The following SLC25A53 variants were observed in gnomAD, a reference collection of about 807,000 sequenced individuals.
The protein encoded by SLC25A53 is mitochondrial carrier triple repeat protein 6.
In SLC25A53, 5 loss-of-function variants were observed where a neutral mutation model predicts 15.0. The observed-to-expected ratio is 0.33, with a 90% CI of 0.17 to 0.70. The LOEUF is 0.70. SLC25A53 is among the 30% of genes least tolerant of loss of function. SLC25A53 has a pLI of 0.67. For missense variants in SLC25A53, 216 were observed against 241.6 expected, an observed-to-expected ratio of 0.89 and a Z score of 0.70; for synonymous variants, 95 against 100.0, an observed-to-expected ratio of 0.95 and a Z score of 0.30.
Position 104,104,333 on chromosome X carries a change from G to C in SLC25A53, c.*1C>G. The C allele has an allele frequency of 8.3e-7, 1 of 1,205,614 alleles. No individual in the cohort carries two copies. Among genetic ancestry groups the C allele is most frequent in the Non-Finnish European group, 1.1e-6 (1 of 891,151 alleles). On this transcript the variant is annotated 3_prime_UTR_variant, in exon 2 of 2. Coordinates refer to ENST00000594199, the MANE Select transcript of SLC25A53 (RefSeq NM_001012755.5). ...AAGCTGCCATGCCACACTTTCTGCA[G>C]CTAGTCAGTCTTCAGCTCTTTCCTG... is the stretch of plus-strand genomic sequence containing the variant.
chrX:104,144,347 G>A (rs1285997946), intron 1 of SLC25A53, among the ~76,000 whole-genome samples: 1 of 111,875 alleles, frequency 8.9e-6, no homozygotes, highest in Non-Finnish European at 1.9e-5. Flanking sequence ...CTGTATTCAC[G>A]AGACCCATCT....
At chrX:104,117,514 C>T (rs1371421434) in intron 1 of SLC25A53, among the ~76,000 whole-genome samples, 3 of 110,835 alleles carry the variant, frequency 2.7e-5, no homozygotes, top group Non-Finnish European at 3.8e-5. Flanking sequence ...GAGTAAAGGT[C>T]CAAGAGACCC....
In SLC25A53 at chrX:104,100,287, T is replaced by C. The variant is rs1158916826; in HGVS notation, c.*4047A>G. On this transcript the variant is annotated 3_prime_UTR_variant, in exon 2 of 2. Coordinates refer to ENST00000594199, the MANE Select transcript of SLC25A53 (RefSeq NM_001012755.5). ...AAAAATATATATCACGCATATATTG[T>C]GTTGTATGATGGCTTTTTATTCTTT... The C allele has an allele frequency of 8.9e-6, 1 of 111,791 alleles. No individual in the cohort carries two copies. The highest frequency in any genetic ancestry group is 1.9e-5 in the Non-Finnish European group (1 of 53,173). 9.2% of individuals were successfully genotyped at this position (111,791 alleles called of 1,213,427 possible). A position where few individuals can be genotyped will look rare whatever the true frequency, so the allele number is the denominator to read the frequency against.
intron 1 of SLC25A53, among the ~76,000 whole-genome samples, chrX:104,110,194 A>G (rs1183200044): frequency 1.9e-4 from 21 of 111,975 alleles, no homozygotes; most frequent in African/African-American, 6.8e-4. Context: ...GATAAAGCCA[A>G]TTTAAACACT....
intron 1 of SLC25A53, among the ~76,000 whole-genome samples, chrX:104,141,741 C>G (rs2075451244): frequency 9.0e-6 from 1 of 110,929 alleles, no homozygotes; most frequent in African/African-American, 3.3e-5. Flanking sequence ...GCATGCACCA[C>G]CACGCCTGGC....
At chrX:104,114,678 C>G in intron 1 of SLC25A53, 1 of 1,212,019 alleles carries the variant, frequency 8.3e-7, no homozygotes, top group Non-Finnish European at 1.1e-6. Flanking sequence ...GGGACCTGCG[C>G]TTCAGGCTTA....
chrX:104,129,424 A>G (rs2075419369), intron 1 of SLC25A53, among the ~76,000 whole-genome samples: 1 of 111,405 alleles, frequency 9.0e-6, no homozygotes, highest in Non-Finnish European at 1.9e-5. Flanking sequence ...GCTCTTAGAA[A>G]CACTAGGCAG....
intron 1 of SLC25A53, among the ~76,000 whole-genome samples, chrX:104,144,890 A>G (rs1388712277): frequency 9.0e-6 from 1 of 111,203 alleles, no homozygotes; most frequent in Non-Finnish European, 1.9e-5. Flanking sequence ...CCCCCTGTCA[A>G]TATTAGATCA....
intron 1 of SLC25A53, among the ~76,000 whole-genome samples, chrX:104,145,997 A>T (rs1333599376): frequency 1.8e-5 from 2 of 112,031 alleles, no homozygotes; most frequent in African/African-American, 6.5e-5. Context: ...CCTGGCAGAG[A>T]CACAACAAAA....
chrX:104,129,515 A>G (rs2075419685), intron 1 of SLC25A53, among the ~76,000 whole-genome samples: 1 of 110,796 alleles, frequency 9.0e-6, no homozygotes, highest in East Asian at 2.8e-4. Context: ...TAGATCGACT[A>G]CGAAAAGAAC....
chrX:104,112,178 A>G (rs1423202137), intron 1 of SLC25A53: 1 of 112,496 alleles, frequency 8.9e-6, no homozygotes, highest in Admixed American at 9.3e-5. Context: ...TTCCCCCTAT[A>G]CAAAGGTGAG....
intron 1 of SLC25A53, chrX:104,114,631 C>T: frequency 1.1e-5 from 13 of 1,211,933 alleles, no homozygotes; most frequent in Non-Finnish European, 1.3e-5. Flanking sequence ...AAACCAGACT[C>T]GCTTGCAACA....
chrX:104,132,891 C>T (rs2075428932), intron 1 of SLC25A53, among the ~76,000 whole-genome samples: 1 of 111,446 alleles, frequency 9.0e-6, no homozygotes, highest in African/African-American at 3.3e-5. Context: ...ATAGGCAGAG[C>T]CCTGAATTCT....
chrX:104,120,389 C>T (rs181497528), intron 1 of SLC25A53, among the ~76,000 whole-genome samples: 2 of 111,987 alleles, frequency 1.8e-5, no homozygotes, highest in African/African-American at 3.2e-5. Flanking sequence ...GTCAACAAAG[C>T]TTCATAACTT....
At chrX:104,137,432 C>T (rs143176554) in intron 1 of SLC25A53, among the ~76,000 whole-genome samples, 2 of 110,658 alleles carry the variant, frequency 1.8e-5, no homozygotes, top group Non-Finnish European at 3.8e-5. Flanking sequence ...CCTGCACCCC[C>T]CAAGCCCCAA....
chrX:104,105,839 C>G (rs1292708161), intron 1 of SLC25A53, among the ~76,000 whole-genome samples: 1 of 111,768 alleles, frequency 8.9e-6, no homozygotes, highest in Non-Finnish European at 1.9e-5. Context: ...GCCCAGCCCC[C>G]CTCCAGCAAG....
At chrX:104,119,708 G>A (rs1294251312) in intron 1 of SLC25A53, among the ~76,000 whole-genome samples, 3 of 110,628 alleles carry the variant, frequency 2.7e-5, no homozygotes, top group African/African-American at 9.9e-5. Flanking sequence ...GGGAGCAGAG[G>A]AAAGTGCATA....
intron 1 of SLC25A53, among the ~76,000 whole-genome samples, chrX:104,136,949 A>G (rs1383317897): frequency 8.9e-6 from 1 of 112,106 alleles, no homozygotes; most frequent in East Asian, 2.8e-4. Context: ...GAATTAAAAT[A>G]GCCATATTTC....
chrX:104,110,480 C>T (rs782636595), intron 1 of SLC25A53, among the ~76,000 whole-genome samples: 22 of 111,789 alleles, frequency 2.0e-4, no homozygotes, highest in African/African-American at 6.5e-4. Flanking sequence ...AATAAGAGGG[C>T]GGAAAGGAGC....
Sources: allele counts gnomAD v4.1 joint callset (sites outside exome capture counted in the v4.1 genomes callset), GRCh38; gene constraint gnomAD v4.1.1; transcripts MANE v1.5; gene names NCBI Gene and HGNC (gene_info 2026-07-23, HGNC 2026-07-21).